AFF3: variants seen among roughly 807,000 people sequenced by gnomAD.
The protein encoded by AFF3 is ALF transcription elongation factor 3, also known as AF4/FMR2 family member 3.
AFF3 carries 32 observed loss-of-function variants against 129.7 expected under a neutral mutation model. That is an observed-to-expected ratio of 0.25 (90% CI 0.19 to 0.33). AFF3 has a LOEUF of 0.33. Ranked by LOEUF, AFF3 falls within the 10% of genes least tolerant of loss-of-function variation. The probability of loss-of-function intolerance (pLI) is 1.00; values close to 1 mark genes in which losing one functional copy is unlikely to be tolerated. For missense variants in AFF3, 1,373 were observed against 1,592.0 expected (o/e 0.86, Z 2.34); for synonymous variants, 644 against 635.4 (o/e 1.01, Z -0.20).
chr2:99,660,049 C>T (rs1575621775), intron 12 of AFF3, among the ~76,000 whole-genome samples: 7 of 152,206 alleles, frequency 4.6e-5, no homozygotes, highest in Admixed American at 4.6e-4. Context: ...TCATCTTTGG[C>T]TCAGCAGGTG....
intron 13 of AFF3, among the ~76,000 whole-genome samples, chr2:99,644,893 C>T (rs528783420): frequency 6.6e-6 from 1 of 152,312 alleles, no homozygotes; most frequent in South Asian, 2.1e-4. Flanking sequence ...GTTTGTCCTT[C>T]TTCTTTGTCT....
rs1488381311 is a variant in AFF3, at chr2:99,546,796, C to A, written c.*4678G>T. 4.7e-6 allele frequency: 1 copy of A among 214,812 alleles called. No individual in the cohort carries two copies. The highest frequency in any genetic ancestry group is 9.4e-6 in the Non-Finnish European group (1 of 106,614). 13.3% of individuals were successfully genotyped at this position (214,812 alleles called of 1,614,324 possible). ...AGTTGTGTGCAGTTCCCTGACTGCA[C>A]ACAAGTCAGGGAACTAACTTGTGAC... On this transcript the variant is annotated 3_prime_UTR_variant, in exon 25 of 25. Coordinates refer to ENST00000672756, the MANE Select transcript of AFF3 (RefSeq NM_001386135.1).
At chr2:99,896,204 A>C (rs1693933859) in intron 7 of AFF3, among the ~76,000 whole-genome samples, 1 of 152,102 alleles carries the variant, frequency 6.6e-6, no homozygotes, top group South Asian at 2.1e-4. Flanking sequence ...AGGGAGGCCT[A>C]AGTTGGTTGT....
At chr2:99,675,983 GT>G (rs61405437) in intron 11 of AFF3, among the ~76,000 whole-genome samples, 22,272 of 140,238 alleles carry the variant, frequency 0.16, 2,025 homozygotes, top group South Asian at 0.28. Context: ...ATCTCCTACT[GT>G]TTTTTTTTTT....
At chr2:100,064,218 C>G (rs981590465) in intron 4 of AFF3, among the ~76,000 whole-genome samples, 1 of 152,080 alleles carries the variant, frequency 6.6e-6, no homozygotes, top group Non-Finnish European at 1.5e-5. Context: ...CCAGAAAACA[C>G]AAAGCCAGCA....
intron 10 of AFF3, among the ~76,000 whole-genome samples, chr2:99,736,965 T>C (rs982857039): frequency 6.6e-6 from 1 of 152,208 alleles, no homozygotes; most frequent in Non-Finnish European, 1.5e-5. Context: ...TCTGTTTCAT[T>C]TTCTCTTCTT....
chr2:100,011,268 C>T (rs1682523544), intron 4 of AFF3, among the ~76,000 whole-genome samples: 4 of 152,070 alleles, frequency 2.6e-5, no homozygotes, highest in Admixed American at 2.6e-4. Context: ...AGCGAGACTC[C>T]CTCTCAAAAG....
chr2:100,015,586 T>C (rs1008494066), intron 4 of AFF3, among the ~76,000 whole-genome samples: 25 of 152,232 alleles, frequency 1.6e-4, no homozygotes, highest in African/African-American at 5.3e-4. Flanking sequence ...TAACATCTCT[T>C]GTTATTTATA....
At chr2:99,837,295 A>AG (rs1222638714) in intron 8 of AFF3, among the ~76,000 whole-genome samples, 182 bp downstream of exon 8, 1 of 152,130 alleles carries the variant, frequency 6.6e-6, no homozygotes, top group Admixed American at 6.5e-5. Context: ...AGGTGCCCAG[A>AG]GGGGGTGCAG....
intron 8 of AFF3, among the ~76,000 whole-genome samples, chr2:99,771,176 C>T (rs537761832): frequency 3.5e-4 from 54 of 152,280 alleles, no homozygotes; most frequent in African/African-American, 1.2e-3. Context: ...CCAAACACTG[C>T]ATGTTTTCAC....
At chr2:99,919,420 G>GCT (rs1344877489) in intron 7 of AFF3, among the ~76,000 whole-genome samples, 1 of 152,022 alleles carries the variant, frequency 6.6e-6, no homozygotes, top group Non-Finnish European at 1.5e-5. Flanking sequence ...ATACGGGATG[G>GCT]CTCCTTCTAT....
intron 4 of AFF3, among the ~76,000 whole-genome samples, chr2:100,075,980 T>C (rs1283282207): frequency 6.6e-6 from 1 of 152,150 alleles, no homozygotes; most frequent in African/African-American, 2.4e-5. Context: ...CCAGTGTCTC[T>C]CTGCCATTCC....
At chr2:99,841,640 C>T (rs1412809342) in intron 7 of AFF3, among the ~76,000 whole-genome samples, 2 of 152,168 alleles carry the variant, frequency 1.3e-5, no homozygotes, top group Admixed American at 6.6e-5. Context: ...ATCCATGGGC[C>T]ACAGTATCGT....
intron 11 of AFF3, among the ~76,000 whole-genome samples, chr2:99,717,064 C>T (rs943637566): frequency 6.6e-5 from 10 of 152,118 alleles, no homozygotes; most frequent in Admixed American, 2.6e-4. Context: ...CATGCTATAG[C>T]GTGAGCAGTT....
intron 7 of AFF3, among the ~76,000 whole-genome samples, chr2:99,849,618 C>G (rs921679639): frequency 1.3e-5 from 2 of 152,088 alleles, no homozygotes; most frequent in African/African-American, 4.8e-5. Flanking sequence ...TACTACACAA[C>G]AGCTGATCAG....
At chr2:99,624,480 T>C (rs1482857397) in intron 13 of AFF3, among the ~76,000 whole-genome samples, 1 of 152,150 alleles carries the variant, frequency 6.6e-6, no homozygotes, top group African/African-American at 2.4e-5. Context: ...GAATAATTAA[T>C]AGGATGTGAT....
intron 4 of AFF3, among the ~76,000 whole-genome samples, chr2:100,014,465 G>A (rs1682816845): frequency 6.6e-6 from 1 of 152,116 alleles, no homozygotes; most frequent in Non-Finnish European, 1.5e-5. Flanking sequence ...AGGGAGACAG[G>A]GTCGTGATTG....
intron 11 of AFF3, among the ~76,000 whole-genome samples, chr2:99,681,908 A>ATTTTTTT (rs35944169): frequency 1.4e-5 from 2 of 139,540 alleles, no homozygotes; most frequent in Non-Finnish European, 1.5e-5. Flanking sequence ...CCTTAATTCT[A>ATTTTTTT]TTTTTTTTTT....
At chr2:99,703,786 T>C (rs550378747) in intron 11 of AFF3, among the ~76,000 whole-genome samples, 35 of 152,108 alleles carry the variant, frequency 2.3e-4, no homozygotes, top group Non-Finnish European at 4.6e-4. Flanking sequence ...TCCTCACACA[T>C]CTGGCCTCAA....
Sources: allele counts gnomAD v4.1 joint callset (sites outside exome capture counted in the v4.1 genomes callset), GRCh38; gene constraint gnomAD v4.1.1; transcripts MANE v1.5; gene names NCBI Gene and HGNC (gene_info 2026-07-23, HGNC 2026-07-21).